NCKAP5: variants seen among roughly 807,000 people sequenced by gnomAD.
The protein encoded by NCKAP5 is nck-associated protein 5.
NCKAP5 carries 92 observed loss-of-function variants against 167.0 expected under a neutral mutation model. That is an observed-to-expected ratio of 0.55 (90% CI 0.47 to 0.66). The LOEUF (loss-of-function observed/expected upper bound fraction) is 0.66, where lower values mean the gene tolerates loss of function less well. Ranked by LOEUF, NCKAP5 falls within the 30% of genes least tolerant of loss-of-function variation. The pLI, the probability that NCKAP5 is intolerant of heterozygous loss-of-function variation, is 0.00. For synonymous variants in NCKAP5, 891 were observed against 877.4 expected (o/e 1.02, Z -0.27); for missense variants, 2,378 against 2,315.0 (o/e 1.03, Z -0.56).
intron 3 of NCKAP5, among the ~76,000 whole-genome samples, chr2:133,486,329 C>CT (rs1301256206): frequency 6.6e-6 from 1 of 152,160 alleles, no homozygotes; most frequent in East Asian, 1.9e-4. Flanking sequence ...CACTTCAGTT[C>CT]TTTGTTCAAT....
At position 133,228,412 on chromosome 2, in the gene NCKAP5, C is replaced by T. The variant is rs76944958; in HGVS notation, c.144-14633G>A. ...TCCATTTGAGGTATGCCATTAAATA[C>T]CTTACTAACATTGAGCCTACATCTT... On this transcript the variant is annotated intron_variant, in intron 4 of 19. Transcript: ENST00000409261. 5.7e-3 allele frequency among the ~76,000 whole-genome samples: 864 copies of T among 152,252 alleles called. 7 individuals are homozygous for T. Among genetic ancestry groups the T allele is most frequent in the African/African-American group, 0.02 (831 of 41,552 alleles).
intron 3 of NCKAP5, among the ~76,000 whole-genome samples, chr2:133,332,089 G>A (rs764381848): frequency 6.6e-6 from 1 of 152,204 alleles, no homozygotes; most frequent in Non-Finnish European, 1.5e-5. Context: ...GAAAAAGTGT[G>A]CCCTCAGGGA....
chr2:133,171,607 G>T (rs1211846288), intron 5 of NCKAP5, among the ~76,000 whole-genome samples: 1 of 152,176 alleles, frequency 6.6e-6, no homozygotes, highest in Non-Finnish European at 1.5e-5. Context: ...CCCTCTTCTG[G>T]TGGAAAGCCT....
the NCKAP5 span, among the ~76,000 whole-genome samples, chr2:133,574,955 T>C: frequency 6.6e-6 from 1 of 152,178 alleles, no homozygotes; most frequent in African/African-American, 2.4e-5. Flanking sequence ...GCTGTAGGCT[T>C]TTCCATGTCC....
intron 3 of NCKAP5, among the ~76,000 whole-genome samples, chr2:133,453,175 C>G (rs1003999877): frequency 5.3e-5 from 8 of 152,090 alleles, no homozygotes; most frequent in Non-Finnish European, 8.8e-5. Context: ...TAAACAATGT[C>G]TGATAATTTT....
At chr2:132,742,864 G>A (rs1466516619) in intron 16 of NCKAP5, among the ~76,000 whole-genome samples, 3 of 151,728 alleles carry the variant, frequency 2.0e-5, no homozygotes, top group South Asian at 2.1e-4. Flanking sequence ...AAATGTTGAC[G>A]AAGGGAAGAC....
intron 16 of NCKAP5, among the ~76,000 whole-genome samples, chr2:132,749,065 A>G (rs1482372501): frequency 6.6e-6 from 1 of 152,142 alleles, no homozygotes; most frequent in Non-Finnish European, 1.5e-5. Context: ...CATCATGCCC[A>G]GCCGAAGTCG....
At chr2:132,920,937 T>A (rs1025147871) in intron 8 of NCKAP5, among the ~76,000 whole-genome samples, 1 of 150,120 alleles carries the variant, frequency 6.7e-6, no homozygotes, top group Admixed American at 6.7e-5. Flanking sequence ...TTGATTGAGA[T>A]CCTGATCTCC....
At chr2:132,965,420 A>AT (rs2076630169) in intron 7 of NCKAP5, among the ~76,000 whole-genome samples, 1 of 152,200 alleles carries the variant, frequency 6.6e-6, no homozygotes, top group South Asian at 2.1e-4. Flanking sequence ...ACAAAGAAGT[A>AT]CCTTTACTTC....
chr2:133,157,583 T>G (rs2083621565), intron 5 of NCKAP5, among the ~76,000 whole-genome samples: 1 of 152,192 alleles, frequency 6.6e-6, no homozygotes, highest in Non-Finnish European at 1.5e-5. Context: ...GAGTATTTTT[T>G]CTTTCACAAT....
upstream of NCKAP5, among the ~76,000 whole-genome samples, chr2:133,571,975 C>CAA (rs111238105): frequency 1.4e-5 from 2 of 141,636 alleles, no homozygotes; most frequent in Admixed American, 7.0e-5. Flanking sequence ...AACTCCATCT[C>CAA]AAAAAAAAAA....
chr2:133,139,170 T>C (rs1170445850), intron 5 of NCKAP5, among the ~76,000 whole-genome samples: 2 of 152,210 alleles, frequency 1.3e-5, no homozygotes, highest in African/African-American at 4.8e-5. Context: ...TTCTAATCAT[T>C]GGAAGGTTCC....
At chr2:133,013,810 T>G (rs1194579989) in intron 6 of NCKAP5, among the ~76,000 whole-genome samples, 5 of 152,326 alleles carry the variant, frequency 3.3e-5, no homozygotes, top group African/African-American at 1.2e-4. Context: ...TTTACATCCT[T>G]CTGTGTTGGA....
At chr2:132,963,930 A>G in intron 7 of NCKAP5, 61 bp from the exon 8 acceptor site, 1 of 1,570,646 alleles carries the variant, frequency 6.4e-7, no homozygotes, top group Non-Finnish European at 8.7e-7. Context: ...CATGAGTGTG[A>G]GGCTGAAAAG....
At chr2:132,686,082 G>A (rs1051447685) in intron 19 of NCKAP5, among the ~76,000 whole-genome samples, 4 of 152,120 alleles carry the variant, frequency 2.6e-5, no homozygotes, top group Non-Finnish European at 4.4e-5. Context: ...CTGGGTAGGG[G>A]CAAGGGTAAA....
At chr2:133,026,555 C>G (rs10188057) in intron 6 of NCKAP5, among the ~76,000 whole-genome samples, 5,047 of 152,154 alleles carry the variant, frequency 0.033, 259 homozygotes, top group African/African-American at 0.12. Context: ...CTATTCTGAA[C>G]AAACCATAAA....
At chr2:133,478,166 CTT>C (rs1213366964) in intron 3 of NCKAP5, among the ~76,000 whole-genome samples, 1 of 152,178 alleles carries the variant, frequency 6.6e-6, no homozygotes, top group Non-Finnish European at 1.5e-5. Context: ...CTCACTTTCT[CTT>C]TTAGATATTG....
At chr2:133,326,231 G>A (rs924391669) in intron 3 of NCKAP5, among the ~76,000 whole-genome samples, 6 of 152,106 alleles carry the variant, frequency 3.9e-5, no homozygotes, top group Non-Finnish European at 7.4e-5. Context: ...CGAGGCAGGC[G>A]GATCACGAGC....
intron 3 of NCKAP5, among the ~76,000 whole-genome samples, chr2:133,465,089 T>C (rs1204291673): frequency 1.3e-5 from 2 of 151,750 alleles, no homozygotes; most frequent in South Asian, 2.1e-4. Context: ...ACATGTGCCA[T>C]GCTGGTGTGC....
Sources: allele counts gnomAD v4.1 joint callset (sites outside exome capture counted in the v4.1 genomes callset), GRCh38; gene constraint gnomAD v4.1.1; transcripts MANE v1.5; gene names NCBI Gene and HGNC (gene_info 2026-07-23, HGNC 2026-07-21).